RUNDC3B: variants seen among roughly 807,000 people sequenced by gnomAD.
RUNDC3B encodes RUN domain-containing protein 3B.
Under a neutral mutation model 58.4 loss-of-function variants are expected in RUNDC3B, and 33 were observed. That is an observed-to-expected ratio of 0.56 (90% CI 0.43 to 0.75). The LOEUF (loss-of-function observed/expected upper bound fraction) is 0.75. RUNDC3B is among the 30% of genes least tolerant of loss of function. The pLI is 0.00. For missense variants in RUNDC3B, 501 were observed against 535.7 expected (o/e 0.94, Z 0.64); for synonymous variants, 193 against 195.2 (o/e 0.99, Z 0.10).
chr7:87,701,623 A>G (rs1829043048), intron 3 of RUNDC3B, among the ~76,000 whole-genome samples: 1 of 152,228 alleles, frequency 6.6e-6, no homozygotes, highest in Admixed American at 6.5e-5. Flanking sequence ...AGTCATTAAT[A>G]TGATTACAGA....
rs1835106160 is a variant in RUNDC3B, at chr7:87,784,635, T to C, written c.956+6680T>C. Reference sequence around the variant, plus strand: ...AAGAGTAAGGGCTGGCAGATATGCTTACTCAGCTATAAGCCTCCTTTGTAT... The same window carrying C: ...AAGAGTAAGGGCTGGCAGATATGCTCACTCAGCTATAAGCCTCCTTTGTAT... On this transcript the variant is annotated intron_variant, in intron 8 of 10. Coordinates refer to ENST00000394654, the MANE Select transcript of RUNDC3B (RefSeq NM_001134405.2). Among the ~76,000 whole-genome samples the C allele has an allele frequency of 1.3e-5, 2 of 151,944 alleles. 1 individual carries two copies.
rs374109311 is a variant in RUNDC3B at position 87,760,282 on chromosome 7, A to G, written c.630-10299A>G. Among the ~76,000 whole-genome samples, 25 of 152,188 alleles carry G rather than the reference A, an allele frequency of 1.6e-4. No homozygotes were observed. The East Asian group carries it at 4.4e-3, about 27-fold the overall frequency. ...AATTTTTCATTTAAATTTAATTTTA[A>G]TTAATTTAAACTTAAAAATTGATGC... On this transcript the variant is annotated intron_variant, in intron 6 of 10. Transcript: ENST00000394654.
chr7:87,754,298 A>C (rs1407991632), intron 6 of RUNDC3B, among the ~76,000 whole-genome samples: 1 of 152,142 alleles, frequency 6.6e-6, no homozygotes, highest in African/African-American at 2.4e-5. Context: ...ACTCAAAACC[A>C]TGAAATTATG....
chr7:87,825,696 C>T (rs531544229), intron 10 of RUNDC3B, among the ~76,000 whole-genome samples: 35 of 152,286 alleles, frequency 2.3e-4, no homozygotes, highest in Admixed American at 8.5e-4. Context: ...CAGCCGGAAG[C>T]GAGGCTGTAC....
At chr7:87,681,669 CTGAT>C (rs574008638) in intron 2 of RUNDC3B, among the ~76,000 whole-genome samples, 18 of 150,466 alleles carry the variant, frequency 1.2e-4, no homozygotes, top group Admixed American at 3.3e-4. Context: ...TGGCTGCTGA[CTGAT>C]TGATGTGCTG....
chr7:87,728,716 T>G (rs1270957521), intron 4 of RUNDC3B, among the ~76,000 whole-genome samples: 1 of 152,326 alleles, frequency 6.6e-6, no homozygotes, highest in Non-Finnish European at 1.5e-5. Context: ...AAGTCCCTTT[T>G]TCATTTTCAG....
At chr7:87,657,345 G>A (rs1824209989) in intron 2 of RUNDC3B, among the ~76,000 whole-genome samples, 1 of 152,112 alleles carries the variant, frequency 6.6e-6, no homozygotes, top group Non-Finnish European at 1.5e-5. Context: ...AAGGACCAGA[G>A]AAAGAACAGC....
At chr7:87,663,720 A>G (rs1236057663) in intron 2 of RUNDC3B, among the ~76,000 whole-genome samples, 2 of 152,150 alleles carry the variant, frequency 1.3e-5, no homozygotes, top group Non-Finnish European at 2.9e-5. Flanking sequence ...ACTATAACAA[A>G]ATACTACATA....
chr7:87,777,932 A>G lies in RUNDC3B; in HGVS notation c.933A>G (p.Ile311Met), dbSNP rs1377254363. ...HKLEKEQLEY[I>M]IVELQDQLTV... is the part of the protein sequence containing the mutation. ...TGGAGAAGGAACAATTAGAATATATAATTGTGGAGCTTCAAGATCAGCTGT... is the reference window on the plus strand; with the variant it reads ...TGGAGAAGGAACAATTAGAATATATGATTGTGGAGCTTCAAGATCAGCTGT... Residue 311 changes from isoleucine (I) to methionine (M), a missense_variant, in exon 8 of 11, where the codon ATA (isoleucine) becomes ATG (methionine). Ile to Met is a conservative substitution (Grantham distance 10, BLOSUM62 1). Coordinates refer to ENST00000394654, the MANE Select transcript of RUNDC3B (RefSeq NM_001134405.2). 6.2e-7 allele frequency: 1 copy of G among 1,613,124 alleles called. No homozygotes were observed. The highest frequency in any genetic ancestry group is 8.5e-7 in the Non-Finnish European group (1 of 1,179,542).
At chr7:87,709,946 A>G (rs865946646) in intron 3 of RUNDC3B, among the ~76,000 whole-genome samples, 1 of 152,186 alleles carries the variant, frequency 6.6e-6, no homozygotes, top group African/African-American at 2.4e-5. Context: ...ATTCTGTGCT[A>G]GAATATGCTG....
intron 8 of RUNDC3B, among the ~76,000 whole-genome samples, chr7:87,789,389 T>G (rs1200693834): frequency 6.6e-6 from 1 of 152,164 alleles, no homozygotes; most frequent in African/African-American, 2.4e-5. Context: ...AAAGCCAATT[T>G]AGTGTAGTTC....
intron 1 of RUNDC3B, among the ~76,000 whole-genome samples, chr7:87,631,640 G>A (rs1323295051): frequency 2.0e-5 from 3 of 152,138 alleles, no homozygotes; most frequent in Non-Finnish European, 4.4e-5. Context: ...TGATCCGCCC[G>A]CCTCGGCCTC....
Position 87,739,897 on chromosome 7 carries a change from A to G in RUNDC3B, c.548+17A>G, listed in dbSNP as rs1168206202. The G allele has an allele frequency of 2.3e-6, 3 of 1,308,116 alleles. No homozygotes were observed. The highest frequency in any genetic ancestry group is 1.8e-5 in the Admixed American group (1 of 55,140). The allele number at this position is 1,308,116 out of a possible 1,614,324, so 81.0% of individuals were successfully genotyped here. A position where few individuals can be genotyped will look rare whatever the true frequency, so the allele number is the denominator to read the frequency against. On this transcript the variant is annotated intron_variant, in intron 5 of 10. Transcript: ENST00000394654. ...TGATTTCAGGTACTTAACCAAATGC[A>G]TTCAGTTTTTAAATTATTCTATATC...
At chr7:87,743,432 A>G (rs1832461331) in intron 6 of RUNDC3B, among the ~76,000 whole-genome samples, 2 of 152,210 alleles carry the variant, frequency 1.3e-5, no homozygotes, top group South Asian at 4.1e-4. Flanking sequence ...TATTACCACC[A>G]GCAGTGTAGA....
chr7:87,724,651 A>G (rs1831106369), intron 4 of RUNDC3B, among the ~76,000 whole-genome samples: 1 of 152,044 alleles, frequency 6.6e-6, no homozygotes, highest in Admixed American at 6.6e-5. Flanking sequence ...TCATTTTGGC[A>G]TCCTAAAATC....
At chr7:87,663,334 G>A (rs7786524) in intron 2 of RUNDC3B, among the ~76,000 whole-genome samples, 1,922 of 151,890 alleles carry the variant, frequency 0.013, 39 homozygotes, top group African/African-American at 0.044. Flanking sequence ...ACCCATTGAC[G>A]CTATTAACTA....
chr7:87,806,189 G>A (rs1836425071), intron 8 of RUNDC3B, among the ~76,000 whole-genome samples: 1 of 152,118 alleles, frequency 6.6e-6, no homozygotes, highest in African/African-American at 2.4e-5. Flanking sequence ...AGTGGAACAA[G>A]TATTTTTCAG....
chr7:87,677,975 A>G (rs192690387), intron 2 of RUNDC3B, among the ~76,000 whole-genome samples: 2 of 152,340 alleles, frequency 1.3e-5, no homozygotes, highest in East Asian at 3.9e-4. Context: ...AGGACAAAAT[A>G]AAGAAATTCC....
chr7:87,774,152 A>G (rs1834489411), intron 7 of RUNDC3B, among the ~76,000 whole-genome samples: 1 of 152,184 alleles, frequency 6.6e-6, no homozygotes, highest in African/African-American at 2.4e-5. Flanking sequence ...CACTCATGAA[A>G]TTAAAGAAAA....
Sources: allele counts gnomAD v4.1 joint callset (sites outside exome capture counted in the v4.1 genomes callset), GRCh38; gene constraint gnomAD v4.1.1; transcripts MANE v1.5; gene names NCBI Gene and HGNC (gene_info 2026-07-23, HGNC 2026-07-21).